The following PCDH15 variants were observed in gnomAD, a reference collection of about 807,000 sequenced individuals.
PCDH15 encodes protocadherin-15.
Under a neutral mutation model 178.5 loss-of-function variants are expected in PCDH15, and 129 were observed. That is an observed-to-expected ratio of 0.72 (90% CI 0.63 to 0.84). PCDH15 has a LOEUF of 0.84. PCDH15 is among the 40% of genes least tolerant of loss of function. The probability of loss-of-function intolerance (pLI) is 0.00; values close to 1 mark genes in which losing one functional copy is unlikely to be tolerated. For missense variants in PCDH15, 2,230 were observed against 2,099.9 expected, an observed-to-expected ratio of 1.06 and a Z score of -1.21; for synonymous variants, 800 against 732.0, an observed-to-expected ratio of 1.09 and a Z score of -1.50.
At chr10:54,993,697 T>C (rs564472098) in intron 2 of PCDH15, among the ~76,000 whole-genome samples, 5 of 152,256 alleles carry the variant, frequency 3.3e-5, no homozygotes, top group African/African-American at 4.8e-5. Flanking sequence ...AGGTAGAGCC[T>C]CTTAAGACAC....
intron 3 of PCDH15, among the ~76,000 whole-genome samples, chr10:54,507,531 A>AC (rs1238507971): frequency 1.3e-5 from 2 of 151,900 alleles, no homozygotes; most frequent in Non-Finnish European, 2.9e-5. Flanking sequence ...ACCTCTGACA[A>AC]CACTTGCAGC....
intron 25 of PCDH15, chr10:53,905,199 G>T (rs768462102): frequency 1.9e-6 from 1 of 518,742 alleles, no homozygotes; most frequent in Middle Eastern, 3.2e-4. Context: ...TCACCTGAGT[G>T]ACTAAACGTC....
chr10:54,380,670 TGCTCC>T (rs61535366), intron 3 of PCDH15, among the ~76,000 whole-genome samples: 749 of 34,730 alleles, frequency 0.022, 3 homozygotes, highest in East Asian at 0.078. Flanking sequence ...TATATATATA[TGCTCC>T]ATATATATAT....
At chr10:54,221,875 T>C (rs1591266076) in intron 9 of PCDH15, among the ~76,000 whole-genome samples, 1 of 152,188 alleles carries the variant, frequency 6.6e-6, no homozygotes, top group African/African-American at 2.4e-5. Flanking sequence ...TGTGCTGGGA[T>C]TACAGGCATG....
At chr10:54,123,175 C>A (rs901084907) in intron 15 of PCDH15, among the ~76,000 whole-genome samples, 13 of 152,026 alleles carry the variant, frequency 8.6e-5, no homozygotes, top group Non-Finnish European at 1.8e-4. Context: ...TAAGTTGGAC[C>A]TAATTAAACT....
At chr10:54,163,013 T>C (rs1292276143) in intron 13 of PCDH15, among the ~76,000 whole-genome samples, 1 of 151,970 alleles carries the variant, frequency 6.6e-6, no homozygotes, top group Non-Finnish European at 1.5e-5. Flanking sequence ...AACAAGAAGG[T>C]GAACAGTAAA....
At chr10:55,130,389 G>A (rs539856051) in intron 2 of PCDH15, among the ~76,000 whole-genome samples, 1 of 152,212 alleles carries the variant, frequency 6.6e-6, no homozygotes, top group Admixed American at 6.5e-5. Context: ...AAAGGAAAAG[G>A]AGGTTACAAA....
intron 3 of PCDH15, among the ~76,000 whole-genome samples, chr10:54,525,010 A>G (rs1393500893): frequency 6.6e-6 from 1 of 152,212 alleles, no homozygotes; most frequent in Non-Finnish European, 1.5e-5. Flanking sequence ...GCATGCACAT[A>G]TGTATAAATG....
intron 18 of PCDH15, among the ~76,000 whole-genome samples, chr10:54,035,305 C>T (rs2135459995): frequency 6.6e-6 from 1 of 152,000 alleles, no homozygotes; most frequent in Admixed American, 6.6e-5. Context: ...AGGCTTCTGA[C>T]AAAGATGCCT....
At chr10:54,805,094 T>C (rs1952758429), upstream of PCDH15, among the ~76,000 whole-genome samples, 1 of 151,162 alleles carries the variant, frequency 6.6e-6, no homozygotes, top group Non-Finnish European at 1.5e-5. Flanking sequence ...GTAGGGAACA[T>C]TTCAAAGTAT....
chr10:55,005,334 A>G (rs965337462), intron 2 of PCDH15, among the ~76,000 whole-genome samples: 2 of 151,902 alleles, frequency 1.3e-5, no homozygotes, highest in African/African-American at 2.4e-5. Context: ...TTCTACATAA[A>G]TTATCTTCCA....
chr10:54,282,591 T>C (rs2058768280), intron 8 of PCDH15, among the ~76,000 whole-genome samples: 1 of 152,030 alleles, frequency 6.6e-6, no homozygotes, highest in Non-Finnish European at 1.5e-5. Context: ...ATTTAAGATG[T>C]CTTTTTTTTT....
intron 3 of PCDH15, among the ~76,000 whole-genome samples, chr10:54,508,319 C>T (rs1362573052): frequency 6.6e-6 from 1 of 151,990 alleles, no homozygotes; most frequent in Non-Finnish European, 1.5e-5. Flanking sequence ...AAGGGCAATG[C>T]TCTTGAAGTC....
At chr10:55,448,512 AAC>A (rs1440983240) in intron 2 of PCDH15, among the ~76,000 whole-genome samples, 1 of 151,956 alleles carries the variant, frequency 6.6e-6, no homozygotes, top group East Asian at 1.9e-4. Context: ...AGCAGACAAA[AAC>A]ACAATTTTTT....
chr10:55,391,268 G>T (rs1170754728), intron 2 of PCDH15, among the ~76,000 whole-genome samples: 1 of 149,214 alleles, frequency 6.7e-6, no homozygotes, highest in Non-Finnish European at 1.5e-5. Context: ...TTAACCTCAT[G>T]AACCAACCTT....
rs1660989984 is a variant in PCDH15 at position 53,938,901 on chromosome 10, T to C, written c.3287A>G (p.Asp1096Gly). 6.2e-7 allele frequency: 1 copy of C among 1,613,478 alleles called. No individual in the cohort carries two copies. The highest frequency in any genetic ancestry group is 1.3e-5 in the African/African-American group (1 of 75,032). ...TACATAGCTTGTCCTGGTCTCATAA[T>C]CCAGAGGTCCATTCACATAGATAAC... ...TGVIYVNGPL[D>G]YETRTSYVLR... The change falls in exon 25 of 38, where the codon GAT (aspartate) becomes GGT (glycine). Residue 1096 changes from aspartate (D) to glycine (G), a missense_variant. Coordinates refer to ENST00000644397, the MANE Select transcript of PCDH15 (RefSeq NM_001384140.1).
At chr10:54,607,962 C>A (rs1351905571) in intron 2 of PCDH15, 1 of 500,422 alleles carries the variant, frequency 2.0e-6, no homozygotes, top group South Asian at 1.5e-5. Flanking sequence ...CCTAATACTT[C>A]CGCACTTTGG....
intron 2 of PCDH15, among the ~76,000 whole-genome samples, chr10:55,124,223 T>G (rs1248087230): frequency 6.6e-6 from 1 of 152,182 alleles, no homozygotes; most frequent in Non-Finnish European, 1.5e-5. Flanking sequence ...TTCTGTCATT[T>G]TCTTCCAAGA....
chr10:54,068,130 G>A (rs1430984415), intron 17 of PCDH15, among the ~76,000 whole-genome samples: 1 of 152,030 alleles, frequency 6.6e-6, no homozygotes, highest in Non-Finnish European at 1.5e-5. Flanking sequence ...AACTCTGATT[G>A]GATTTAGGTG....
Sources: gnomAD v4.1 joint callset for allele counts (sites outside exome capture counted in the v4.1 genomes callset) on GRCh38, gnomAD v4.1.1 for gene constraint, MANE v1.5 for transcripts, NCBI Gene and HGNC (gene_info 2026-07-23, HGNC 2026-07-21) for gene names.